MEA1: variants seen among roughly 807,000 people sequenced by gnomAD.
MEA1 encodes the protein male-enhanced antigen 1.
In MEA1, 22 loss-of-function variants were observed where a neutral mutation model predicts 21.4. That is an observed-to-expected ratio of 1.03 (90% CI 0.73 to 1.47). The LOEUF (loss-of-function observed/expected upper bound fraction) is 1.47. Ranked by LOEUF, MEA1 falls within the 40% of genes most tolerant of loss-of-function variation. The pLI, the probability that MEA1 is intolerant of heterozygous loss-of-function variation, is 0.00. For missense variants in MEA1, 233 were observed against 230.5 expected (o/e 1.01, Z -0.07); for synonymous variants, 91 against 85.5 (o/e 1.06, Z -0.35).
Position 43,013,336 on chromosome 6 carries a change from G to A in MEA1, c.82C>T (p.Arg28Cys). ...TCCTCAGTCTGATTGGGGAAGATAC[G>A]CTCAGGGCCCATGGTGTCTCCTCCT... ...VLGGDTMGPE[R>C]IFPNQTEELG... The change falls in exon 2 of 4, where the codon CGT (arginine) becomes TGT (cysteine). Residue 28 changes from arginine (R) to cysteine (C), a missense_variant. Transcript: ENST00000244711. 6.2e-7 allele frequency: 1 copy of A among 1,614,054 alleles called. No individual in the cohort carries two copies. Among genetic ancestry groups the A allele is most frequent in the Non-Finnish European group, 8.5e-7 (1 of 1,180,004 alleles).
At position 43,011,467 on chromosome 6, in the gene MEA1, A is replaced by G; in HGVS notation, c.*1003T>C. The G allele has an allele frequency of 2.5e-6, 2 of 796,044 alleles. No homozygotes were observed. The highest frequency in any genetic ancestry group is 2.7e-5 in the East Asian group (1 of 36,708). 49.3% of individuals were successfully genotyped at this position (796,044 alleles called of 1,614,324 possible). A position where few individuals can be genotyped will look rare whatever the true frequency, so the allele number is the denominator to read the frequency against. On this transcript the variant is annotated 3_prime_UTR_variant, in exon 4 of 4. Coordinates refer to ENST00000244711, the MANE Select transcript of MEA1 (RefSeq NM_014623.4). ...CACAGAATGGTCCCTCTTCTCCCCA[A>G]AAGGTGTTCATGCCTCCCTGTGGCT...
chr6:43,016,239 C>T (rs1338431732), upstream of MEA1, among the ~76,000 whole-genome samples: 1 of 152,160 alleles, frequency 6.6e-6, no homozygotes, highest in African/African-American at 2.4e-5. Context: ...AGCCCCTTCC[C>T]CTTTGCATTG....
chr6:43,011,537 G>A lies in MEA1; in HGVS notation c.*933C>T. 1 of 545,982 alleles carries A rather than the reference G, an allele frequency of 1.8e-6. No individual in the cohort carries two copies. 33.8% of individuals were successfully genotyped at this position (545,982 alleles called of 1,614,324 possible). On this transcript the variant is annotated 3_prime_UTR_variant, in exon 4 of 4. Transcript: ENST00000244711. ...GATGCTTAGTGCTCAGACAACCTGG[G>A]GATGCCTGTCCCCTACCTGCTCCTC...
intron 3 of MEA1, 133 bp from the exon 4 acceptor site, chr6:43,012,754 G>T: frequency 8.0e-7 from 1 of 1,253,888 alleles, no homozygotes; most frequent in Non-Finnish European, 1.1e-6. Context: ...AGGCAAGCCT[G>T]CCCATCCCCA....
In MEA1 at chr6:43,013,095, C is replaced by A; in HGVS notation, c.303+20G>T. ...GAGCCCAGCTTCACCTGTTCAGGAA[C>A]CATCCCTCCTCCACCCTACCTGGAT... is the stretch of plus-strand genomic sequence containing the variant. On this transcript the variant is annotated intron_variant, in intron 2 of 3. Transcript: ENST00000244711. The A allele has an allele frequency of 6.2e-7, 1 of 1,614,070 alleles. No individual in the cohort carries two copies. The highest frequency in any genetic ancestry group is 1.6e-4 in the Middle Eastern group (1 of 6,062).
At position 43,013,314 on chromosome 6, in the gene MEA1, T is replaced by C; in HGVS notation, c.104A>G (p.Glu35Gly). 2 of 1,614,094 alleles carry C rather than the reference T, an allele frequency of 1.2e-6. No individual in the cohort carries two copies. Among genetic ancestry groups the C allele is most frequent in the South Asian group, 2.2e-5 (2 of 91,088 alleles). The change falls in exon 2 of 4, where the codon GAG (glutamate) becomes GGG (glycine). Residue 35 changes from glutamate (E) to glycine (G), a missense_variant. Transcript: ENST00000244711. ...GPERIFPNQT[E>G]ELGHQGPSEG... Reference sequence around the variant, plus strand: ...TGAAGGGCCCTGATGTCCCAGTTCCTCAGTCTGATTGGGGAAGATACGCTC... The same window carrying C: ...TGAAGGGCCCTGATGTCCCAGTTCCCCAGTCTGATTGGGGAAGATACGCTC...
Position 43,013,156 on chromosome 6 carries a change from C to T in MEA1, c.262G>A (p.Gly88Arg), listed in dbSNP as rs1293697601. The T allele has an allele frequency of 6.2e-7, 1 of 1,614,014 alleles. No homozygotes were observed. Among genetic ancestry groups the T allele is most frequent in the Non-Finnish European group, 8.5e-7 (1 of 1,180,032 alleles). Residue 88 changes from glycine (G) to arginine (R), a missense_variant, in exon 2 of 4, where the codon GGG becomes AGG. Coordinates refer to ENST00000244711, the MANE Select transcript of MEA1 (RefSeq NM_014623.4). Reference sequence around the variant, plus strand: ...ATGTCAGCAACTACATCTCCATCCCCCACTGGTGCCAGTTCCACCTCCTCT... The same window carrying T: ...ATGTCAGCAACTACATCTCCATCCCTCACTGGTGCCAGTTCCACCTCCTCT... ...EQEEVELAPVGDGDVVADIQD... is the reference protein window; with the variant it reads ...EQEEVELAPVRDGDVVADIQD...
upstream of MEA1, chr6:43,016,672 G>A (rs1762584499): frequency 6.4e-6 from 1 of 157,022 alleles, no homozygotes; most frequent in African/African-American, 2.4e-5. Context: ...AGCTTTCAAT[G>A]GACTGTTTGA....
At chr6:43,013,502 G>C in intron 1 of MEA1, 113 bp from the exon 2 acceptor site, 2 of 1,197,008 alleles carry the variant, frequency 1.7e-6, no homozygotes, top group Middle Eastern at 2.8e-4. Flanking sequence ...CCTCCCCGAG[G>C]CTCCTGCATC....
chr6:43,012,552 G>T lies in MEA1; in HGVS notation c.476C>A (p.Ala159Asp), dbSNP rs1231726222. 3.1e-6 allele frequency: 5 copies of T among 1,612,676 alleles called. No homozygotes were observed. Among genetic ancestry groups the T allele is most frequent in the Non-Finnish European group, 4.2e-6 (5 of 1,179,430 alleles). The part of the protein sequence containing the change: ...SLPAPGVPAW[A>D]REISDAQWED... ...CCACTGGGCATCCGATATCTCCCGA[G>T]CCCAGGCAGGAACCCCTGGCGCAGG... The change falls in exon 4 of 4, where the codon GCT (alanine) becomes GAT (aspartate). Residue 159 changes from alanine to aspartate, a missense_variant. Physicochemically the swap from Ala to Asp is moderately radical, Grantham distance 126 (BLOSUM62 -2). Transcript: ENST00000244711.
intron 1 of MEA1, 196 bp from the exon 2 acceptor site, chr6:43,013,585 G>A (rs1762458868): frequency 2.5e-6 from 2 of 815,158 alleles, no homozygotes; most frequent in African/African-American, 1.7e-5. Flanking sequence ...CTTGAACCAG[G>A]CCCCACCAAC....
chr6:43,015,852 T>TAAAA (rs561042959), upstream of MEA1, among the ~76,000 whole-genome samples: 6 of 100,556 alleles, frequency 6.0e-5, no homozygotes, highest in African/African-American at 1.9e-4. Context: ...AGACTTCATC[T>TAAAA]AAAAAAAAAA....
At chr6:43,016,840 T>G, upstream of MEA1, 2 of 269,796 alleles carry the variant, frequency 7.4e-6, no homozygotes, top group East Asian at 7.8e-5. Flanking sequence ...AGGGACAGAG[T>G]GGAGCCTCCA....
rs1475650349 is a variant in MEA1, at chr6:43,012,942, A to G, written c.390T>C (p.Ser130=). The change falls in exon 3 of 4, where the codon TCT becomes TCC. Residue 130 remains serine (S), a synonymous_variant. Transcript: ENST00000244711. ...EGATALNNHS[S]IPMDPEHVEL... The stretch of plus-strand genomic sequence containing the variant: ...ATCTTTTACCTGGGTCCATGGGAAT[A>G]GAGCTGTGGTTGTTCAACGCTGTAG... The G allele has an allele frequency of 6.2e-7, 1 of 1,613,698 alleles. No homozygotes were observed. The highest frequency in any genetic ancestry group is 1.1e-5 in the South Asian group (1 of 91,072).
At chr6:43,014,320 C>G (rs2150288795), upstream of MEA1, 1 of 633,516 alleles carries the variant, frequency 1.6e-6, no homozygotes, top group Middle Eastern at 4.2e-4. Context: ...CTCGAGGACC[C>G]GCGGCCCCGC....
In MEA1 at chr6:43,012,589, C is replaced by G; in HGVS notation, c.439G>C (p.Gly147Arg). The G allele has an allele frequency of 6.2e-7, 1 of 1,610,398 alleles. No homozygotes were observed. The highest frequency in any genetic ancestry group is 8.5e-7 in the Non-Finnish European group (1 of 1,178,736). ...HVELVKRTMA[G>R]VSLPAPGVPA... is the part of the protein sequence containing the mutation. ...ACCCCTGGCGCAGGCAGGCTTACTC[C>G]AGCCATTGTCCTTTTCACCAGCTCT... Residue 147 changes from glycine (G) to arginine (R), a missense_variant, in exon 4 of 4, where the codon GGA becomes CGA. Transcript: ENST00000244711.
At position 43,013,886 on chromosome 6, in the gene MEA1, C is replaced by T; in HGVS notation, c.-73G>A. The T allele has an allele frequency of 6.6e-7, 1 of 1,511,756 alleles. No homozygotes were observed. Among genetic ancestry groups the T allele is most frequent in the Non-Finnish European group, 8.8e-7 (1 of 1,130,678 alleles). The allele number at this position is 1,511,756 out of a possible 1,614,324, so 93.6% of individuals were successfully genotyped here. A position where few individuals can be genotyped will look rare whatever the true frequency, so the allele number is the denominator to read the frequency against. ...ATCCGAATCCCGGCGCCGGTGTTCC[C>T]GCGCGCCTCACCCGCTCAGAGCCCG... On this transcript the variant is annotated 5_prime_UTR_variant, in exon 1 of 4. Coordinates refer to ENST00000244711, the MANE Select transcript of MEA1 (RefSeq NM_014623.4).
chr6:43,013,906 AGCCCGC>A lies in MEA1; in HGVS notation c.-99_-94del. 1 of 1,486,786 alleles carries A rather than the reference AGCCCGC, an allele frequency of 6.7e-7. No homozygotes were observed. Among genetic ancestry groups the A allele is most frequent in the Non-Finnish European group, 8.9e-7 (1 of 1,118,392 alleles). 92.1% of individuals were successfully genotyped at this position (1,486,786 alleles called of 1,614,324 possible). A position where few individuals can be genotyped will look rare whatever the true frequency, so the allele number is the denominator to read the frequency against. On this transcript the variant is annotated 5_prime_UTR_variant, in exon 1 of 4. Transcript: ENST00000244711. The stretch of plus-strand genomic sequence containing the variant: ...GTTCCCGCGCGCCTCACCCGCTCAG[AGCCCGC>A]GGCCTCCACTTCCGGCGGGGCAGGA...
At position 43,013,872 on chromosome 6, in the gene MEA1, G is replaced by A. The variant is rs1420746106; in HGVS notation, c.-59C>T. 1.3e-5 allele frequency: 12 copies of A among 919,708 alleles called. No individual in the cohort carries two copies. Among genetic ancestry groups the A allele is most frequent in the African/African-American group, 1.1e-4 (5 of 45,618 alleles). The allele number at this position is 919,708 out of a possible 1,614,324, so 57.0% of individuals were successfully genotyped here. On this transcript the variant is annotated 5_prime_UTR_variant, in exon 1 of 4. Coordinates refer to ENST00000244711, the MANE Select transcript of MEA1 (RefSeq NM_014623.4). ...CCCCACCCGCCCCCATCCGAATCCCGGCGCCGGTGTTCCCGCGCGCCTCAC... is the reference window on the plus strand; with the variant it reads ...CCCCACCCGCCCCCATCCGAATCCCAGCGCCGGTGTTCCCGCGCGCCTCAC...
Sources: allele counts gnomAD v4.1 joint callset (sites outside exome capture counted in the v4.1 genomes callset), GRCh38; gene constraint gnomAD v4.1.1; transcripts MANE v1.5; gene names NCBI Gene and HGNC (gene_info 2026-07-23, HGNC 2026-07-21).